VKORC1L1: variants seen among roughly 807,000 people sequenced by gnomAD.
VKORC1L1 encodes vitamin K epoxide reductase complex subunit 1L1.
In VKORC1L1, 2 loss-of-function variants were observed where a neutral mutation model predicts 18.9. That is an observed-to-expected ratio of 0.11 (90% CI 0.04 to 0.33). The LOEUF is 0.33. VKORC1L1 is among the 10% of genes least tolerant of loss of function. The pLI, the probability that VKORC1L1 is intolerant of heterozygous loss-of-function variation, is 1.00. For synonymous variants in VKORC1L1, 96 were observed against 100.0 expected, an observed-to-expected ratio of 0.96 and a Z score of 0.24; for missense variants, 123 against 224.1, an observed-to-expected ratio of 0.55 and a Z score of 2.88.
chr7:65,897,737 CTG>C lies in VKORC1L1; in HGVS notation c.194+24173_194+24174del, dbSNP rs1310676458. ...AATCTCTGTGTTATGTGGAATTACA[CTG>C]AGAAAATTCATCAAGCTATGAACTT... On this transcript the variant is annotated intron_variant, in intron 1 of 2. Coordinates refer to ENST00000360768, the MANE Select transcript of VKORC1L1 (RefSeq NM_173517.6). 2.0e-5 allele frequency among the ~76,000 whole-genome samples: 3 copies of C among 147,196 alleles called. No individual in the cohort carries two copies. The East Asian group carries it at 5.9e-4, about 29-fold the overall frequency.
chr7:65,916,476 C>G (rs527775905), intron 1 of VKORC1L1, among the ~76,000 whole-genome samples: 3 of 152,214 alleles, frequency 2.0e-5, no homozygotes, highest in Admixed American at 1.3e-4. Flanking sequence ...TTTCCTGTCC[C>G]CTACCTGAAA....
chr7:65,884,711 C>T (rs567769771), intron 1 of VKORC1L1, among the ~76,000 whole-genome samples: 6 of 152,134 alleles, frequency 3.9e-5, no homozygotes, highest in Non-Finnish European at 8.8e-5. Flanking sequence ...TATTAGGTGC[C>T]CTGTGCCCTT....
intron 1 of VKORC1L1, among the ~76,000 whole-genome samples, chr7:65,886,021 G>A (rs965158655): frequency 2.3e-4 from 35 of 152,148 alleles, no homozygotes; most frequent in Non-Finnish European, 4.9e-4. Flanking sequence ...TTCTGGAGTT[G>A]CCTCTCTGAT....
At chr7:65,915,633 GTT>G (rs34639789) in intron 1 of VKORC1L1, among the ~76,000 whole-genome samples, 129 of 143,318 alleles carry the variant, frequency 9.0e-4, no homozygotes, top group African/African-American at 1.6e-3. Flanking sequence ...AAAGAAACCA[GTT>G]TTTTTTTTTT....
At chr7:65,909,741 G>A (rs1045041112) in intron 1 of VKORC1L1, among the ~76,000 whole-genome samples, 5 of 78,296 alleles carry the variant, frequency 6.4e-5, no homozygotes, top group South Asian at 8.2e-4. Flanking sequence ...TGTGTGTGAC[G>A]GAGGCTTGCT....
chr7:65,874,046 CAG>C (rs1027095855), intron 1 of VKORC1L1, among the ~76,000 whole-genome samples: 1 of 152,194 alleles, frequency 6.6e-6, no homozygotes, highest in African/African-American at 2.4e-5. Flanking sequence ...GGCGCGGAGA[CAG>C]GGGGGTTGCC....
In VKORC1L1 at chr7:65,938,641, CTG is replaced by C. The variant is rs569179149; in HGVS notation, c.195-10029_195-10028del. On this transcript the variant is annotated intron_variant, in intron 1 of 2. Transcript: ENST00000360768. ...GCATCAGAATTTTCAAGAACCACCT[CTG>C]AACGCAGGATGGTGGAAGAGTATCT... 3.3e-5 allele frequency among the ~76,000 whole-genome samples: 5 copies of C among 152,340 alleles called. No individual in the cohort carries two copies. The East Asian group carries it at 9.6e-4, about 29-fold the overall frequency.
intron 1 of VKORC1L1, among the ~76,000 whole-genome samples, chr7:65,905,884 AC>A (rs1466653651): frequency 6.6e-6 from 1 of 152,140 alleles, no homozygotes; most frequent in Non-Finnish European, 1.5e-5. Flanking sequence ...TAGGATACTT[AC>A]TTTATCTCTG....
At chr7:65,946,754 G>A (rs2115728666) in intron 1 of VKORC1L1, among the ~76,000 whole-genome samples, 1 of 152,260 alleles carries the variant, frequency 6.6e-6, no homozygotes, top group South Asian at 2.1e-4. Flanking sequence ...GGCACGTAGC[G>A]TCAGTGCACA....
chr7:65,884,188 G>C (rs1405571462), intron 1 of VKORC1L1, among the ~76,000 whole-genome samples: 2 of 152,146 alleles, frequency 1.3e-5, no homozygotes, highest in Admixed American at 6.5e-5. Flanking sequence ...ATAAAATGAG[G>C]GTAGTAATAG....
At chr7:65,873,606 G>A in intron 1 of VKORC1L1, 41 bp downstream of exon 1, 2 of 1,462,306 alleles carry the variant, frequency 1.4e-6, no homozygotes, top group Non-Finnish European at 1.8e-6. Context: ...GGCCGAGCGG[G>A]GCGAGGGTGG....
chr7:65,905,426 C>A (rs1789390837), intron 1 of VKORC1L1, among the ~76,000 whole-genome samples: 1 of 152,058 alleles, frequency 6.6e-6, no homozygotes, highest in Non-Finnish European at 1.5e-5. Flanking sequence ...TTTCCTGCCT[C>A]AGCCTCCCAC....
intron 1 of VKORC1L1, among the ~76,000 whole-genome samples, chr7:65,883,340 G>A (rs529038514): frequency 7.6e-4 from 116 of 151,768 alleles, no homozygotes; most frequent in African/African-American, 1.4e-3. Flanking sequence ...TAGTAGAGAC[G>A]GGGTTTCACC....
At chr7:65,937,034 G>A (rs970287071) in intron 1 of VKORC1L1, among the ~76,000 whole-genome samples, 2 of 152,178 alleles carry the variant, frequency 1.3e-5, no homozygotes, top group Non-Finnish European at 2.9e-5. Flanking sequence ...GAATGTGAAA[G>A]TACGCTGTCA....
At chr7:65,873,854 G>C (rs1314726352) in intron 1 of VKORC1L1, among the ~76,000 whole-genome samples, 1 of 152,038 alleles carries the variant, frequency 6.6e-6, no homozygotes. Flanking sequence ...GGAGCGGTCG[G>C]GCGGGCTGGG....
intron 1 of VKORC1L1, among the ~76,000 whole-genome samples, chr7:65,903,748 T>TGATA (rs1789358314): frequency 1.5e-5 from 2 of 135,776 alleles, no homozygotes; most frequent in Non-Finnish European, 3.1e-5. Flanking sequence ...CACTTTAGCC[T>TGATA]GGGTGATAGA....
intron 1 of VKORC1L1, among the ~76,000 whole-genome samples, chr7:65,883,805 T>TTTC (rs139581691): frequency 0.52 from 78,187 of 151,762 alleles, 21,061 homozygotes; most frequent in East Asian, 0.81. Context: ...GCCTAATCTG[T>TTTC]TTATGTTATA....
At chr7:65,898,335 C>T (rs1789252793) in intron 1 of VKORC1L1, among the ~76,000 whole-genome samples, 1 of 152,100 alleles carries the variant, frequency 6.6e-6, no homozygotes, top group Middle Eastern at 3.4e-3. Flanking sequence ...CCACCCACCT[C>T]GGCCTCCCAA....
chr7:65,898,647 C>T (rs1206481188), intron 1 of VKORC1L1, among the ~76,000 whole-genome samples: 1 of 152,160 alleles, frequency 6.6e-6, no homozygotes, highest in Admixed American at 6.6e-5. Flanking sequence ...TTGGGTGACA[C>T]TTTCTATACT....
Sources: allele counts gnomAD v4.1 joint callset (sites outside exome capture counted in the v4.1 genomes callset), GRCh38; gene constraint gnomAD v4.1.1; transcripts MANE v1.5; gene names NCBI Gene and HGNC (gene_info 2026-07-23, HGNC 2026-07-21).